The following SAMD4A variants were observed in gnomAD, a reference collection of about 807,000 sequenced individuals.
The protein encoded by SAMD4A is protein Smaug homolog 1.
A neutral mutation model predicts 81.3 loss-of-function variants in SAMD4A; 33 were observed. That is an observed-to-expected ratio of 0.41 (90% CI 0.31 to 0.54). SAMD4A has a LOEUF of 0.54. SAMD4A is among the 20% of genes least tolerant of loss of function. SAMD4A has a pLI of 0.37. For missense variants in SAMD4A, 854 were observed against 951.1 expected (o/e 0.90, Z 1.34); for synonymous variants, 389 against 382.1 (o/e 1.02, Z -0.21).
At chr14:54,703,968 G>A (rs1446355216) in intron 3 of SAMD4A, 1 of 152,170 alleles carries the variant, frequency 6.6e-6, no homozygotes, top group Admixed American at 6.5e-5. Flanking sequence ...TTCTCAAATA[G>A]GTAGGATTGT....
In SAMD4A at chr14:54,754,769, C is replaced by T. The variant is rs566709616; in HGVS notation, c.1176+3232C>T. 2.4e-5 allele frequency: 23 copies of T among 957,886 alleles called. No individual in the cohort carries two copies. In the African/African-American group the frequency reaches 3.5e-4, roughly 15 times the overall value. The allele number at this position is 957,886 out of a possible 1,614,324, so 59.3% of individuals were successfully genotyped here. ...ATTTCTAAGGAGATAGCTGGGGCCCCGCCCATAGTTAGTTCATAATCAGTG... is the reference window on the plus strand; with the variant it reads ...ATTTCTAAGGAGATAGCTGGGGCCCTGCCCATAGTTAGTTCATAATCAGTG... On this transcript the variant is annotated intron_variant, in intron 6 of 12. Transcript: ENST00000554335.
chr14:54,735,559 C>G lies in SAMD4A; in HGVS notation c.716-1465C>G, dbSNP rs564423293. On this transcript the variant is annotated intron_variant, in intron 3 of 12. Coordinates refer to ENST00000554335, the MANE Select transcript of SAMD4A (RefSeq NM_015589.6). ...TGTCCCCACTTCACATACAAGGCTG[C>G]CCTTCTGGCCACACAAGGCCAAATG... 5.3e-5 allele frequency among the ~76,000 whole-genome samples: 8 copies of G among 152,330 alleles called. 1 individual carries two copies. In the Middle Eastern group the frequency reaches 0.014, roughly 259 times the overall value.
chr14:54,767,230 G>A (rs949482405), intron 8 of SAMD4A, among the ~76,000 whole-genome samples: 3 of 152,312 alleles, frequency 2.0e-5, no homozygotes, highest in South Asian at 2.1e-4. Context: ...CCGTGAAGGC[G>A]CACAGCCTCC....
intron 11 of SAMD4A, 85 bp downstream of exon 11, chr14:54,776,625 C>G: frequency 1.5e-6 from 2 of 1,356,958 alleles, no homozygotes; most frequent in Non-Finnish European, 1.9e-6. Context: ...AAGTGCTTAG[C>G]CTCGACTGTC....
chr14:54,663,475 T>C (rs2140477857), intron 2 of SAMD4A, among the ~76,000 whole-genome samples: 1 of 152,354 alleles, frequency 6.6e-6, no homozygotes, highest in Non-Finnish European at 1.5e-5. Flanking sequence ...TCGCACCACA[T>C]GAAGCATGAG....
chr14:54,663,419 G>A (rs1224216934), intron 2 of SAMD4A, among the ~76,000 whole-genome samples: 1 of 152,160 alleles, frequency 6.6e-6, no homozygotes, highest in Non-Finnish European at 1.5e-5. Flanking sequence ...GAACTTGAGG[G>A]ATTAAAGTTT....
intron 2 of SAMD4A, among the ~76,000 whole-genome samples, chr14:54,583,182 A>G (rs923124091): frequency 2.0e-5 from 3 of 152,298 alleles, no homozygotes; most frequent in Admixed American, 6.5e-5. Flanking sequence ...GCACTGGAAC[A>G]TTGGCTCCAG....
At chr14:54,694,218 T>C (rs1411650899) in intron 2 of SAMD4A, 1 of 152,622 alleles carries the variant, frequency 6.6e-6, no homozygotes, top group Non-Finnish European at 1.5e-5. Context: ...CTTCTAGTTT[T>C]AAAAGATCCT....
At chr14:54,736,990 G>C in intron 3 of SAMD4A, 34 bp from the exon 4 acceptor site, 1 of 1,607,034 alleles carries the variant, frequency 6.2e-7, no homozygotes, top group Non-Finnish European at 8.5e-7. Context: ...TAAAGGGGGG[G>C]GAATAACCTA....
intron 2 of SAMD4A, among the ~76,000 whole-genome samples, chr14:54,602,616 C>T (rs1036118351): frequency 4.0e-5 from 6 of 151,866 alleles, no homozygotes; most frequent in East Asian, 1.9e-4. Flanking sequence ...AAGACATTCA[C>T]CTTCGGGACA....
Position 54,793,043 on chromosome 14 carries a change from A to T in SAMD4A, c.*4099A>T, listed in dbSNP as rs963330109. On this transcript the variant is annotated 3_prime_UTR_variant, in exon 13 of 13. Transcript: ENST00000554335. ...CCTAGTTCATGTTGCCAAGCAATGC[A>T]TATTTTTTAAATTTGTCATATATGG... 3 of 152,238 alleles carry T rather than the reference A, an allele frequency of 2.0e-5. No individual in the cohort carries two copies. Among genetic ancestry groups the T allele is most frequent in the African/African-American group, 7.2e-5 (3 of 41,466 alleles). 9.4% of individuals were successfully genotyped at this position (152,238 alleles called of 1,614,324 possible). A position where few individuals can be genotyped will look rare whatever the true frequency, so the allele number is the denominator to read the frequency against.
intron 2 of SAMD4A, among the ~76,000 whole-genome samples, chr14:54,586,513 C>T (rs2033622808): frequency 6.6e-6 from 1 of 152,180 alleles, no homozygotes; most frequent in African/African-American, 2.4e-5. Context: ...AAGCCAATAT[C>T]TAGAAGGGTT....
intron 4 of SAMD4A, among the ~76,000 whole-genome samples, chr14:54,744,165 T>C (rs2037911055): frequency 6.6e-6 from 1 of 152,236 alleles, no homozygotes. Context: ...TGTTCATGTT[T>C]CTGTCTGCCA....
chr14:54,776,430 A>ACCCCGGGGGCAGCAATAGCATG lies in SAMD4A; in HGVS notation c.1937_1958dup (p.Ser654ArgfsTer5). On this transcript the variant is annotated frameshift_variant, in exon 11 of 13. Coordinates refer to ENST00000554335, the MANE Select transcript of SAMD4A (RefSeq NM_015589.6). LOFTEE classifies it high-confidence loss of function. ...TCTCACCAGAACCTGTGGTTTGCCA[A>ACCCCGGGGGCAGCAATAGCATG]CCCCGGGGGCAGCAATAGCATGCCA... 6.3e-7 allele frequency: 1 copy of ACCCCGGGGGCAGCAATAGCATG among 1,590,304 alleles called. No homozygotes were observed. The highest frequency in any genetic ancestry group is 8.5e-7 in the Non-Finnish European group (1 of 1,169,704).
chr14:54,717,590 T>C (rs2037150919), intron 3 of SAMD4A, among the ~76,000 whole-genome samples: 1 of 152,136 alleles, frequency 6.6e-6, no homozygotes, highest in African/African-American at 2.4e-5. Flanking sequence ...TGGGTAAAAA[T>C]GACCACATTT....
chr14:54,665,918 G>T, intron 2 of SAMD4A, among the ~76,000 whole-genome samples: 1 of 152,200 alleles, frequency 6.6e-6, no homozygotes, highest in East Asian at 1.9e-4. Context: ...TACAGTCATG[G>T]ATTTTCTGTT....
rs1455659017 is a variant in SAMD4A at position 54,635,245 on chromosome 14, A to T, written c.197-66817A>T. On this transcript the variant is annotated intron_variant, in intron 2 of 12. Coordinates refer to ENST00000554335, the MANE Select transcript of SAMD4A (RefSeq NM_015589.6). ...CAAGACCAGCCTGGCCAACATGGTG[A>T]AACACCGTCTCTACTAAAAATACAA... is the stretch of plus-strand genomic sequence containing the variant. Among the ~76,000 whole-genome samples the T allele has an allele frequency of 2.0e-5, 3 of 151,604 alleles. No individual in the cohort carries two copies. In the South Asian group the frequency reaches 6.3e-4, roughly 32 times the overall value.
At chr14:54,772,404 A>G (rs1458946737) in intron 9 of SAMD4A, among the ~76,000 whole-genome samples, 2 of 152,222 alleles carry the variant, frequency 1.3e-5, no homozygotes, top group African/African-American at 4.8e-5. Flanking sequence ...AACCCTCTGC[A>G]AAGCTGGCTT....
intron 11 of SAMD4A, among the ~76,000 whole-genome samples, chr14:54,781,067 TCTC>T (rs1836647736): frequency 6.6e-6 from 1 of 152,172 alleles, no homozygotes; most frequent in Non-Finnish European, 1.5e-5. Context: ...CCCTGCTTTC[TCTC>T]CTCCTAGCAA....
Sources: allele counts gnomAD v4.1 joint callset (sites outside exome capture counted in the v4.1 genomes callset), GRCh38; gene constraint gnomAD v4.1.1; transcripts MANE v1.5; gene names NCBI Gene and HGNC (gene_info 2026-07-23, HGNC 2026-07-21).